LCORL: variants seen among roughly 807,000 people sequenced by gnomAD.
LCORL encodes the protein ligand-dependent nuclear receptor corepressor-like protein.
Under a neutral mutation model 141.8 loss-of-function variants are expected in LCORL, and 41 were observed. The observed-to-expected ratio is 0.29, with a 90% CI of 0.23 to 0.38. The LOEUF (loss-of-function observed/expected upper bound fraction) is 0.38, where lower values mean the gene tolerates loss of function less well. LCORL is among the 10% of genes least tolerant of loss of function. LCORL has a pLI of 1.00. For synonymous variants in LCORL, 618 were observed against 694.1 expected (o/e 0.89, Z 1.72); for missense variants, 1,759 against 2,035.0 (o/e 0.86, Z 2.61).
At chr4:17,936,407 TGATAGTGG>T (rs1463528195) in intron 4 of LCORL, among the ~76,000 whole-genome samples, 7 of 148,458 alleles carry the variant, frequency 4.7e-5, no homozygotes, top group African/African-American at 1.7e-4. Flanking sequence ...ATCAAATCAG[TGATAGTGG>T]CATAGTGGCA....
At chr4:17,980,927 C>G (rs1208409490) in intron 1 of LCORL, among the ~76,000 whole-genome samples, 2 of 152,188 alleles carry the variant, frequency 1.3e-5, no homozygotes, top group Non-Finnish European at 2.9e-5. Context: ...AGGTTCATCC[C>G]AAAACCATGC....
chr4:17,994,895 A>G (rs935660588), intron 1 of LCORL, among the ~76,000 whole-genome samples: 20 of 152,246 alleles, frequency 1.3e-4, no homozygotes, highest in African/African-American at 4.6e-4. Flanking sequence ...TGCTAGCCCA[A>G]TGCCTGGTCC....
At chr4:17,853,377 G>C (rs1723998231) in intron 7 of LCORL, among the ~76,000 whole-genome samples, 2 of 152,062 alleles carry the variant, frequency 1.3e-5, no homozygotes, top group African/African-American at 4.8e-5. Context: ...AATATTTAAT[G>C]CATGAAGTTT....
chr4:17,877,861 T>C, exon 7 of LCORL: 3 of 1,230,750 alleles, frequency 2.4e-6, no homozygotes, highest in South Asian at 8.2e-5. Context: ...TGTTCAACAG[T>C]TACAGTTTGG....
intron 6 of LCORL, chr4:17,881,825 ACTTTAC>A (rs1205019300): frequency 4.1e-6 from 4 of 983,914 alleles, no homozygotes; most frequent in Admixed American, 1.2e-4. Context: ...TGAAATATGT[ACTTTAC>A]CTTTAACTTT....
exon 7 of LCORL, chr4:17,874,013 C>T: frequency 8.1e-7 from 1 of 1,234,148 alleles, no homozygotes; most frequent in East Asian, 3.2e-5. Flanking sequence ...GCAAAACACA[C>T]TGATTATCTA....
chr4:17,927,100 T>C (rs1416742457), intron 4 of LCORL, among the ~76,000 whole-genome samples: 1 of 152,224 alleles, frequency 6.6e-6, no homozygotes, highest in African/African-American at 2.4e-5. Flanking sequence ...AGCTAGACCT[T>C]CTGGATAGCC....
chr4:18,016,304 T>G (rs1724622208), intron 1 of LCORL, among the ~76,000 whole-genome samples: 1 of 152,200 alleles, frequency 6.6e-6, no homozygotes, highest in Admixed American at 6.5e-5. Context: ...ATAGACAGGT[T>G]AAGCTATTTG....
At chr4:18,001,088 T>A (rs1053922984) in intron 1 of LCORL, among the ~76,000 whole-genome samples, 1 of 152,166 alleles carries the variant, frequency 6.6e-6, no homozygotes, top group Non-Finnish European at 1.5e-5. Flanking sequence ...GAAGGACTGA[T>A]TGAACCTAGG....
intron 4 of LCORL, among the ~76,000 whole-genome samples, chr4:17,919,697 T>C (rs1189104587): frequency 6.6e-6 from 1 of 152,208 alleles, no homozygotes; most frequent in Non-Finnish European, 1.5e-5. Flanking sequence ...CCACAGCCCT[T>C]GTTACAGTCT....
At chr4:17,937,426 T>G (rs1278961447) in intron 4 of LCORL, among the ~76,000 whole-genome samples, 1 of 152,178 alleles carries the variant, frequency 6.6e-6, no homozygotes, top group African/African-American at 2.4e-5. Context: ...AGAGTAATAT[T>G]AATAAATCTA....
At chr4:17,928,592 C>A (rs1053555260) in intron 4 of LCORL, among the ~76,000 whole-genome samples, 3 of 152,094 alleles carry the variant, frequency 2.0e-5, no homozygotes, top group African/African-American at 7.2e-5. Flanking sequence ...TCCTTAATCT[C>A]ATTAAGGGTA....
intron 1 of LCORL, among the ~76,000 whole-genome samples, chr4:18,020,313 T>A (rs1266433576): frequency 2.7e-5 from 4 of 150,552 alleles, no homozygotes; most frequent in South Asian, 4.2e-4. Context: ...GGTAAGAGAG[T>A]TGTTTTCTTA....
chr4:17,951,572 A>G lies in LCORL; in HGVS notation c.430+10331T>C, dbSNP rs866965096. Among the ~76,000 whole-genome samples the G allele has an allele frequency of 5.9e-5, 9 of 152,322 alleles. No homozygotes were observed. The South Asian group carries it at 1.7e-3, about 28-fold the overall frequency. On this transcript the variant is annotated intron_variant, in intron 4 of 7. Transcript: ENST00000635767. ...ATCTGATTACCACTTATAAAAATGT[A>G]ATCACCATCTCCATGCTTTATGTCC...
chr4:17,910,495 A>T (rs572901019), intron 4 of LCORL, among the ~76,000 whole-genome samples: 2 of 152,308 alleles, frequency 1.3e-5, no homozygotes, highest in Non-Finnish European at 2.9e-5. Context: ...TTATATGAAT[A>T]GGCTTTCTCT....
At chr4:17,882,342 C>T (rs893738244) in intron 6 of LCORL, 45 of 984,356 alleles carry the variant, frequency 4.6e-5, no homozygotes, top group African/African-American at 4.4e-4. Flanking sequence ...ATTTTGAATA[C>T]ATAAAGCAAA....
intron 4 of LCORL, among the ~76,000 whole-genome samples, chr4:17,940,108 A>G (rs2724477): frequency 0.027 from 3,904 of 146,364 alleles, 68 homozygotes; most frequent in Non-Finnish European, 0.041. Flanking sequence ...AGGTAGATAT[A>G]TGTGTGTGTA....
At chr4:17,877,632 T>C in exon 7 of LCORL, 1 of 1,230,584 alleles carries the variant, frequency 8.1e-7, no homozygotes. Flanking sequence ...GTCTTTCAAT[T>C]TTTCAAATCC....
chr4:17,938,003 CTT>C (rs201471488), intron 4 of LCORL, among the ~76,000 whole-genome samples: 20 of 131,534 alleles, frequency 1.5e-4, no homozygotes, highest in Admixed American at 7.9e-5. Flanking sequence ...TAAACAATTT[CTT>C]TTTTTTTTTT....
Sources: gnomAD v4.1 joint callset for allele counts (sites outside exome capture counted in the v4.1 genomes callset) on GRCh38, gnomAD v4.1.1 for gene constraint, MANE v1.5 for transcripts, NCBI Gene and HGNC (gene_info 2026-07-23, HGNC 2026-07-21) for gene names.